MARK2: variants seen among roughly 807,000 people sequenced by gnomAD.
The protein encoded by MARK2 is serine/threonine-protein kinase MARK2.
MARK2 carries 16 observed loss-of-function variants against 89.8 expected under a neutral mutation model. The ratio of observed to expected loss-of-function variants is 0.18; its 90% confidence interval spans 0.12 to 0.27. MARK2 has a LOEUF of 0.27. Ranked by LOEUF, MARK2 falls within the 10% of genes least tolerant of loss-of-function variation. MARK2 has a pLI of 1.00. For synonymous variants in MARK2, 382 were observed against 399.5 expected (o/e 0.96, Z 0.52); for missense variants, 621 against 1,049.9 (o/e 0.59, Z 5.65).
chr11:63,859,412 A>C (rs540433442), intron 1 of MARK2, among the ~76,000 whole-genome samples: 1 of 148,410 alleles, frequency 6.7e-6, no homozygotes, highest in South Asian at 2.1e-4. Context: ...CCTCCGCCTC[A>C]CAGGTTCAAG....
intron 1 of MARK2, among the ~76,000 whole-genome samples, chr11:63,852,991 CAG>C (rs761241257): frequency 3.3e-5 from 5 of 152,222 alleles, no homozygotes; most frequent in Admixed American, 6.5e-5. Context: ...AAAGCCCACA[CAG>C]AAACTGAGAG....
intron 1 of MARK2, among the ~76,000 whole-genome samples, chr11:63,845,951 G>C (rs1227892706): frequency 6.6e-6 from 1 of 151,930 alleles, no homozygotes; most frequent in Non-Finnish European, 1.5e-5. Flanking sequence ...TTGAACTCCT[G>C]GACTCAAGTG....
At chr11:63,848,263 G>A (rs2016379480) in intron 1 of MARK2, among the ~76,000 whole-genome samples, 1 of 152,204 alleles carries the variant, frequency 6.6e-6, no homozygotes, top group African/African-American at 2.4e-5. Context: ...CTTGGGGGCT[G>A]GTTGCCCCTG....
chr11:63,899,781 T>C, intron 7 of MARK2, 93 bp from the exon 8 acceptor site: 1 of 804,870 alleles, frequency 1.2e-6, no homozygotes, highest in Non-Finnish European at 2.1e-6. Context: ...AAGATGACTT[T>C]CCGTTTGTTC....
chr11:63,904,286 G>A lies in MARK2; in HGVS notation c.1676+139G>A, dbSNP rs974220158. On this transcript the variant is annotated intron_variant, in intron 15 of 18. Transcript: ENST00000402010. The surrounding 1 kb of genome is among the most constrained non-coding windows in gnomAD (Gnocchi z 6.3). ...CACAAGAAATGGGTCTGTCCCCTGC[G>A]GCCAGGAAGTGGAGGGAACAAAAAA... is the stretch of plus-strand genomic sequence containing the variant. The A allele has an allele frequency of 7.4e-5, 53 of 718,888 alleles. No homozygotes were observed. Among genetic ancestry groups the A allele is most frequent in the Middle Eastern group, 4.0e-4 (1 of 2,496 alleles). 44.5% of individuals were successfully genotyped at this position (718,888 alleles called of 1,614,324 possible). A position where few individuals can be genotyped will look rare whatever the true frequency, so the allele number is the denominator to read the frequency against.
chr11:63,895,217 G>A lies in MARK2; in HGVS notation c.113G>A (p.Arg38His), dbSNP rs749281261. ...AGTAAGTCCAACATGATTCGGGGCC[G>A]CAACTCAGCCACCTCTGCTGATGAG... ...PSSKSNMIRGRNSATSADEQP... is the reference protein window; with the variant it reads ...PSSKSNMIRGHNSATSADEQP... Residue 38 changes from arginine (R) to histidine (H), a missense_variant, in exon 2 of 19, where the codon CGC becomes CAC. By Grantham distance (29) the Arg-to-His change is conservative. Transcript: ENST00000402010. 6.8e-6 allele frequency: 11 copies of A among 1,614,016 alleles called. No individual in the cohort carries two copies. Among genetic ancestry groups the A allele is most frequent in the East Asian group, 6.7e-5 (3 of 44,894 alleles).
chr11:63,905,652 G>C (rs772098108), intron 16 of MARK2, among the ~76,000 whole-genome samples: 1 of 152,178 alleles, frequency 6.6e-6, no homozygotes, highest in Non-Finnish European at 1.5e-5. Flanking sequence ...ATCTCTTCAC[G>C]GGGTTTCTCA....
chr11:63,839,149 G>A lies in MARK2; in HGVS notation c.-358G>A, dbSNP rs979784097. 1 of 196,754 alleles carries A rather than the reference G, an allele frequency of 5.1e-6. No individual in the cohort carries two copies. Among genetic ancestry groups the A allele is most frequent in the Non-Finnish European group, 1.0e-5 (1 of 98,556 alleles). 12.2% of individuals were successfully genotyped at this position (196,754 alleles called of 1,614,324 possible). A position where few individuals can be genotyped will look rare whatever the true frequency, so the allele number is the denominator to read the frequency against. On this transcript the variant is annotated 5_prime_UTR_variant, in exon 1 of 19. Coordinates refer to ENST00000402010, the MANE Select transcript of MARK2 (RefSeq NM_001039469.3). ...CCATGTTGGGAGCAGCAGGTCCGGC[G>A]GCGGCTGCCTGTGTGCCGGGCGCGG...
Position 63,908,281 on chromosome 11 carries a change from C to G in MARK2, c.1983C>G (p.Ser661Arg). The change falls in exon 18 of 19, where the codon AGC (serine) becomes AGG (arginine). Residue 661 changes from serine to arginine, a missense_variant. Coordinates refer to ENST00000402010, the MANE Select transcript of MARK2 (RefSeq NM_001039469.3). ...FARRNLNEPE[S>R]KDRVETLRPH... ...TGAGGAACCTGAATGAACCTGAAAGCAAAGACCGAGTGGAGACGCTCAGGT... is the reference window on the plus strand; with the variant it reads ...TGAGGAACCTGAATGAACCTGAAAGGAAAGACCGAGTGGAGACGCTCAGGT... 1 of 1,566,306 alleles carries G rather than the reference C, an allele frequency of 6.4e-7. No homozygotes were observed. The highest frequency in any genetic ancestry group is 8.7e-7 in the Non-Finnish European group (1 of 1,154,706).
chr11:63,884,917 T>C (rs1939303818), intron 1 of MARK2, among the ~76,000 whole-genome samples: 1 of 152,210 alleles, frequency 6.6e-6, no homozygotes, highest in African/African-American at 2.4e-5. Context: ...AGATGTCCCA[T>C]ATGGCCATGC....
chr11:63,859,746 C>T (rs536573648), intron 1 of MARK2, among the ~76,000 whole-genome samples: 1 of 152,284 alleles, frequency 6.6e-6, no homozygotes, highest in African/African-American at 2.4e-5. Flanking sequence ...AATCTCCTGC[C>T]TCGGCCTCCC....
At chr11:63,907,183 T>C (rs1190996202) in intron 17 of MARK2, among the ~76,000 whole-genome samples, 1 of 152,012 alleles carries the variant, frequency 6.6e-6, no homozygotes, top group Admixed American at 6.5e-5. Context: ...GGCAGGCACA[T>C]TGGTGCCACA....
chr11:63,909,442 C>G lies in MARK2; in HGVS notation c.*205C>G, dbSNP rs1404038481. The G allele has an allele frequency of 1.2e-5, 6 of 496,946 alleles. No homozygotes were observed. The highest frequency in any genetic ancestry group is 1.0e-5 in the Non-Finnish European group (3 of 288,226). 30.8% of individuals were successfully genotyped at this position (496,946 alleles called of 1,614,324 possible). On this transcript the variant is annotated 3_prime_UTR_variant, in exon 19 of 19. Transcript: ENST00000402010. ...CTCCAGCACCCCACATTCACCCCTG[C>G]CCAGAGATTCCCCCTTCTCCTCTCC...
Position 63,909,372 on chromosome 11 carries a change from C to G in MARK2, c.*135C>G, listed in dbSNP as rs1268229729. 1.5e-5 allele frequency: 14 copies of G among 934,136 alleles called. No homozygotes were observed. Among genetic ancestry groups the G allele is most frequent in the Non-Finnish European group, 2.1e-5 (14 of 660,334 alleles). 57.9% of individuals were successfully genotyped at this position (934,136 alleles called of 1,614,324 possible). A position where few individuals can be genotyped will look rare whatever the true frequency, so the allele number is the denominator to read the frequency against. ...GCTGGCACTTCTCCCCTCCCTGGCCCTTCTCAGTTTTCTCTTACATGTTTG... is the reference window on the plus strand; with the variant it reads ...GCTGGCACTTCTCCCCTCCCTGGCCGTTCTCAGTTTTCTCTTACATGTTTG... On this transcript the variant is annotated 3_prime_UTR_variant, in exon 19 of 19. Transcript: ENST00000402010.
rs1286556534 is a variant in MARK2, at chr11:63,900,687, T to C, written c.888+9T>C. On this transcript the variant is annotated intron_variant, in intron 9 of 18. Transcript: ENST00000402010. The surrounding 1 kb of genome is among the most constrained non-coding windows in gnomAD (Gnocchi z 4.7). The stretch of plus-strand genomic sequence containing the variant: ...AGAGAGGCACTTTAGAGGTGAGCAG[T>C]GGAGCCCAACTGGCGGAAGGGCCTG... 1 of 1,614,096 alleles carries C rather than the reference T, an allele frequency of 6.2e-7. No individual in the cohort carries two copies. The highest frequency in any genetic ancestry group is 2.2e-5 in the East Asian group (1 of 44,882).
rs561375082 is a variant in MARK2, at chr11:63,875,764, C to T, written c.55-19395C>T. On this transcript the variant is annotated intron_variant, in intron 1 of 18. Transcript: ENST00000402010. The stretch of plus-strand genomic sequence containing the variant: ...TGTTATGTTGTGTGAAGGACAGTGG[C>T]GATGGGGGCCTGGCCGCCAGAGAGG... Among the ~76,000 whole-genome samples the T allele has an allele frequency of 6.6e-5, 10 of 152,312 alleles. No individual in the cohort carries two copies. In the East Asian group the frequency reaches 1.2e-3, roughly 18 times the overall value.
rs1472564391 is a variant in MARK2, at chr11:63,899,256, T to A, written c.531+148T>A. 6 of 637,154 alleles carry A rather than the reference T, an allele frequency of 9.4e-6. No homozygotes were observed. In the African/African-American group the frequency reaches 1.1e-4, roughly 12 times the overall value. 39.5% of individuals were successfully genotyped at this position (637,154 alleles called of 1,614,324 possible). A position where few individuals can be genotyped will look rare whatever the true frequency, so the allele number is the denominator to read the frequency against. On this transcript the variant is annotated intron_variant, in intron 7 of 18. Transcript: ENST00000402010. ...TTTTTTCTTTCTTTCTTTCTTTTTT[T>A]TTTTTTGAGATGACCAGAAAGCCCC...
Position 63,900,452 on chromosome 11 carries a change from C to G in MARK2, c.769-107C>G. 2.2e-6 allele frequency: 3 copies of G among 1,350,146 alleles called. No individual in the cohort carries two copies. Among genetic ancestry groups the G allele is most frequent in the South Asian group, 1.3e-5 (1 of 74,548 alleles). The allele number at this position is 1,350,146 out of a possible 1,614,324, so 83.6% of individuals were successfully genotyped here. The stretch of plus-strand genomic sequence containing the variant: ...AGGCTGTCTGCCTTCTTCCATATTT[C>G]ATTTATGTCTGCTTTGCCAGGCTTA... On this transcript the variant is annotated intron_variant, in intron 8 of 18. Coordinates refer to ENST00000402010, the MANE Select transcript of MARK2 (RefSeq NM_001039469.3). This position sits in a 1 kb window ranked among gnomAD's most constrained non-coding sequence, Gnocchi z 4.7.
chr11:63,897,840 C>T (rs997541051), intron 3 of MARK2, among the ~76,000 whole-genome samples: 1 of 152,218 alleles, frequency 6.6e-6, no homozygotes, highest in Non-Finnish European at 1.5e-5. Flanking sequence ...CACCCCTTTA[C>T]ACAGACCAAG....
Sources: allele counts gnomAD v4.1 joint callset (sites outside exome capture counted in the v4.1 genomes callset), GRCh38; gene constraint gnomAD v4.1.1; non-coding constraint Gnocchi (gnomAD v3.1); transcripts MANE v1.5; gene names NCBI Gene and HGNC (gene_info 2026-07-23, HGNC 2026-07-21).